Variants in POU6F2 observed in about 807,000 individuals in gnomAD.
The protein encoded by POU6F2 is POU domain, class 6, transcription factor 2.
POU6F2 carries 31 observed loss-of-function variants against 71.3 expected under a neutral mutation model. The ratio of observed to expected loss-of-function variants is 0.43; its 90% CI spans 0.33 to 0.59. The LOEUF is 0.59. Ranked by LOEUF, POU6F2 falls within the 20% of genes least tolerant of loss-of-function variation. The pLI is 0.04. For synonymous variants in POU6F2, 347 were observed against 355.7 expected, an observed-to-expected ratio of 0.98 and a Z score of 0.27; for missense variants, 783 against 856.8, an observed-to-expected ratio of 0.91 and a Z score of 1.07.
chr7:39,159,626 G>T (rs1792948389), intron 2 of POU6F2, among the ~76,000 whole-genome samples: 1 of 152,140 alleles, frequency 6.6e-6, no homozygotes, highest in African/African-American at 2.4e-5. Flanking sequence ...AGGAGAAAAT[G>T]CATAGAACAT....
At chr7:39,111,108 G>A (rs1029152823) in intron 2 of POU6F2, among the ~76,000 whole-genome samples, 6 of 152,054 alleles carry the variant, frequency 3.9e-5, no homozygotes, top group Admixed American at 2.0e-4. Context: ...TTGTCCCCAG[G>A]AGGCTAGCTG....
chr7:39,152,405 T>C (rs1792779728), intron 2 of POU6F2, among the ~76,000 whole-genome samples: 1 of 152,114 alleles, frequency 6.6e-6, no homozygotes, highest in South Asian at 2.1e-4. Context: ...TGGAGAGAGA[T>C]ACGAAGGAAG....
At chr7:39,002,747 A>C (rs530676491) in intron 1 of POU6F2, among the ~76,000 whole-genome samples, 3 of 152,372 alleles carry the variant, frequency 2.0e-5, no homozygotes, top group South Asian at 2.1e-4. Flanking sequence ...CAGTTTCTTC[A>C]AGTGACTACA....
chr7:39,443,666 C>A (rs1341669088), intron 7 of POU6F2, among the ~76,000 whole-genome samples: 1 of 152,162 alleles, frequency 6.6e-6, no homozygotes, highest in Non-Finnish European at 1.5e-5. Flanking sequence ...GATGTAAAAG[C>A]TGTGATTCTG....
chr7:39,373,713 G>C, intron 5 of POU6F2: 1 of 339,326 alleles, frequency 2.9e-6, no homozygotes, highest in Non-Finnish European at 5.8e-6. Flanking sequence ...TTTCTACCCA[G>C]TTGCTATCTA....
intron 5 of POU6F2, among the ~76,000 whole-genome samples, chr7:39,372,653 G>A (rs1020932864): frequency 6.6e-6 from 1 of 152,172 alleles, no homozygotes; most frequent in Non-Finnish European, 1.5e-5. Flanking sequence ...GAAACACCCA[G>A]AATAATATTT....
In POU6F2 at chr7:39,139,771, G is replaced by T. The variant is rs371476887; in HGVS notation, c.277+53740G>T. Among the ~76,000 whole-genome samples the T allele has an allele frequency of 4.6e-4, 70 of 152,300 alleles. 1 individual carries two copies. The South Asian group carries it at 0.014, about 31-fold the overall frequency. ...AAATCCAGACAGTGTGGACATGAGG[G>T]ATGTGGCCCACCTTCCTGACTTGGT... On this transcript the variant is annotated intron_variant, in intron 2 of 9. Coordinates refer to ENST00000518318, the MANE Select transcript of POU6F2 (RefSeq NM_001370959.1).
At chr7:39,419,713 G>A (rs1787807486) in intron 6 of POU6F2, among the ~76,000 whole-genome samples, 1 of 152,164 alleles carries the variant, frequency 6.6e-6, no homozygotes, top group African/African-American at 2.4e-5. Flanking sequence ...AACAAAGGAT[G>A]TTAAATCCTT....
chr7:39,245,667 T>TA (rs1373085438), intron 4 of POU6F2, among the ~76,000 whole-genome samples: 3 of 152,170 alleles, frequency 2.0e-5, no homozygotes, highest in Non-Finnish European at 4.4e-5. Flanking sequence ...AGGAGGAACT[T>TA]AGTTTTTGCA....
intron 4 of POU6F2, among the ~76,000 whole-genome samples, chr7:39,224,036 C>G (rs1357183005): frequency 1.3e-5 from 2 of 152,124 alleles, no homozygotes; most frequent in Non-Finnish European, 2.9e-5. Flanking sequence ...TAGAGCTGCA[C>G]TTCACCAGCA....
At chr7:39,083,474 A>C (rs932960568) in intron 1 of POU6F2, 27 of 152,116 alleles carry the variant, frequency 1.8e-4, no homozygotes, top group Admixed American at 1.6e-3. Context: ...CACGAGGTCA[A>C]CCAATGAGCG....
chr7:39,336,885 T>C (rs1472514853), intron 4 of POU6F2, among the ~76,000 whole-genome samples: 1 of 152,238 alleles, frequency 6.6e-6, no homozygotes. Flanking sequence ...ATACTTCCTT[T>C]AGCATTTGAG....
chr7:39,435,181 A>G (rs1435348774), intron 7 of POU6F2, among the ~76,000 whole-genome samples: 2 of 152,268 alleles, frequency 1.3e-5, no homozygotes, highest in East Asian at 3.9e-4. Context: ...ATGATGTTCC[A>G]GGTTCTAGAT....
At chr7:39,251,340 C>A (rs2128752840) in intron 4 of POU6F2, among the ~76,000 whole-genome samples, 1 of 152,214 alleles carries the variant, frequency 6.6e-6, no homozygotes, top group Non-Finnish European at 1.5e-5. Flanking sequence ...CCACTTAAAA[C>A]CCAAGTTATT....
intron 4 of POU6F2, among the ~76,000 whole-genome samples, chr7:39,314,510 A>G (rs909668520): frequency 6.6e-6 from 1 of 152,196 alleles, no homozygotes; most frequent in Non-Finnish European, 1.5e-5. Flanking sequence ...TGGGAGTGGT[A>G]AGGAAGAGCA....
chr7:39,254,651 A>G (rs1413744460), intron 4 of POU6F2, among the ~76,000 whole-genome samples: 1 of 152,016 alleles, frequency 6.6e-6, no homozygotes, highest in East Asian at 1.9e-4. Flanking sequence ...AATTTCTCCT[A>G]TATTTTTGGC....
chr7:39,401,691 C>T (rs1787307080), intron 5 of POU6F2, among the ~76,000 whole-genome samples: 2 of 152,078 alleles, frequency 1.3e-5, no homozygotes, highest in South Asian at 4.2e-4. Flanking sequence ...CATCCACGGC[C>T]GAGTCATTTC....
chr7:39,176,792 C>T (rs952267378), intron 2 of POU6F2, among the ~76,000 whole-genome samples: 2 of 152,164 alleles, frequency 1.3e-5, no homozygotes, highest in African/African-American at 4.8e-5. Flanking sequence ...ACCGTGAAAA[C>T]ATCATGCTAG....
At chr7:39,044,866 TG>T (rs1421273927) in intron 1 of POU6F2, among the ~76,000 whole-genome samples, 5 of 151,966 alleles carry the variant, frequency 3.3e-5, no homozygotes, top group African/African-American at 1.2e-4. Context: ...TTGGCTTAGC[TG>T]GGAAACATAT....
Sources: allele counts gnomAD v4.1 joint callset (sites outside exome capture counted in the v4.1 genomes callset), GRCh38; gene constraint gnomAD v4.1.1; transcripts MANE v1.5; gene names NCBI Gene and HGNC (gene_info 2026-07-23, HGNC 2026-07-21).